Variants in NAA15 observed in about 807,000 individuals in gnomAD.
The protein encoded by NAA15 is N-alpha-acetyltransferase 15, NatA auxiliary subunit.
In NAA15, 34 loss-of-function variants were observed where a neutral mutation model predicts 114.0. The ratio of observed to expected loss-of-function variants is 0.30; its 90% CI spans 0.23 to 0.40. The LOEUF is 0.40. NAA15 is among the 10% of genes least tolerant of loss of function. NAA15 has a pLI of 1.00. For synonymous variants in NAA15, 340 were observed against 338.0 expected (o/e 1.01, Z -0.06); for missense variants, 658 against 1,004.5 (o/e 0.66, Z 4.66).
chr4:139,360,372 T>G (rs1553996922), intron 12 of NAA15, 128 bp from the exon 13 acceptor site: 1 of 689,060 alleles, frequency 1.5e-6, no homozygotes, highest in Non-Finnish European at 2.2e-6. Flanking sequence ...TTAACTATTC[T>G]TTAAGAATGT....
chr4:139,323,210 C>A (rs1746684118), intron 1 of NAA15, among the ~76,000 whole-genome samples: 1 of 151,940 alleles, frequency 6.6e-6, no homozygotes, highest in South Asian at 2.1e-4. Context: ...GCGCCTGCCA[C>A]CATGCCCAGC....
In NAA15 at chr4:139,362,816, G is replaced by A. The variant is rs893914184; in HGVS notation, c.1753+879G>A. Among the ~76,000 whole-genome samples, 22 of 147,714 alleles carry A rather than the reference G, an allele frequency of 1.5e-4. 1 individual carries two copies. The highest frequency in any genetic ancestry group is 4.6e-4 in the African/African-American group (19 of 41,228). On this transcript the variant is annotated intron_variant, in intron 14 of 19. Transcript: ENST00000296543. Reference sequence around the variant, plus strand: ...AACCTGAGAATGAGTGATCTCATACGTACAAAAATATGAATTTTGTGCCTT... The same window carrying A: ...AACCTGAGAATGAGTGATCTCATACATACAAAAATATGAATTTTGTGCCTT...
intron 1 of NAA15, among the ~76,000 whole-genome samples, chr4:139,317,432 G>A (rs1471161796): frequency 2.6e-5 from 4 of 152,118 alleles, no homozygotes; most frequent in African/African-American, 9.7e-5. Context: ...GACCAGCCTG[G>A]CCAACATGGT....
chr4:139,376,857 T>G (rs1323545869), intron 16 of NAA15, among the ~76,000 whole-genome samples: 1 of 152,128 alleles, frequency 6.6e-6, no homozygotes, highest in African/African-American at 2.4e-5. Context: ...AAGATAAAAT[T>G]TTGAGCCTGG....
Position 139,351,204 on chromosome 4 carries a change from A to G in NAA15, c.825A>G (p.Glu275=). Residue 275 remains glutamate (E), a synonymous_variant, in exon 8 of 20, where the codon GAA becomes GAG. Coordinates refer to ENST00000296543, the MANE Select transcript of NAA15 (RefSeq NM_057175.5). ...CTTTGTTTGCAGCTAATATGTTAGA[A>G]CGGCTAAAAATTTATGAGGAAGCCT... The part of the protein sequence containing the change: ...EKALKPANML[E]RLKIYEEAWT... 6.3e-6 allele frequency: 10 copies of G among 1,596,716 alleles called. No homozygotes were observed. The highest frequency in any genetic ancestry group is 6.8e-6 in the Non-Finnish European group (8 of 1,170,128).
chr4:139,349,749 C>T (rs1747719751), intron 7 of NAA15, among the ~76,000 whole-genome samples, 168 bp downstream of exon 7: 1 of 152,032 alleles, frequency 6.6e-6, no homozygotes, highest in Non-Finnish European at 1.5e-5. Context: ...CTTTGGGAGG[C>T]CGAGGTGGAT....
chr4:139,351,128 A>G, intron 7 of NAA15, 63 bp from the exon 8 acceptor site: 2 of 851,962 alleles, frequency 2.3e-6, no homozygotes, highest in Non-Finnish European at 3.5e-6. Context: ...GAAGTTCGTA[A>G]TTTTCCAGAA....
At chr4:139,382,858 A>G (rs1489210244) in intron 17 of NAA15, among the ~76,000 whole-genome samples, 6 of 152,246 alleles carry the variant, frequency 3.9e-5, no homozygotes, top group Non-Finnish European at 8.8e-5. Context: ...AATTATGTAT[A>G]GAATATTTCA....
intron 6 of NAA15, among the ~76,000 whole-genome samples, chr4:139,344,611 A>T (rs1747521532): frequency 6.6e-6 from 1 of 152,226 alleles, no homozygotes; most frequent in African/African-American, 2.4e-5. Context: ...TGTATTAAAA[A>T]TATTATGGAA....
intron 6 of NAA15, among the ~76,000 whole-genome samples, chr4:139,347,469 AAAAAAT>A (rs1447532773): frequency 6.6e-6 from 1 of 151,962 alleles, no homozygotes; most frequent in African/African-American, 2.4e-5. Context: ...CCATCTCTAC[AAAAAAT>A]AAAAATAAAA....
chr4:139,357,346 G>A (rs1177199586), intron 10 of NAA15, 40 bp from the exon 11 acceptor site: 3 of 1,592,384 alleles, frequency 1.9e-6, no homozygotes, highest in Non-Finnish European at 2.6e-6. Context: ...CTTAATATAT[G>A]TAATGCCTCA....
At chr4:139,358,197 T>G (rs114824793) in intron 11 of NAA15, among the ~76,000 whole-genome samples, 8,357 of 151,420 alleles carry the variant, frequency 0.055, 265 homozygotes, top group East Asian at 0.1. Context: ...TTTTGTTTTT[T>G]TTTTTTTGAG....
chr4:139,354,042 A>T lies in NAA15; in HGVS notation c.1031A>T (p.Glu344Val), dbSNP rs1306033610. The change falls in exon 10 of 20, where the codon GAG (glutamate) becomes GTG (valine). Residue 344 changes from glutamate to valine, a missense_variant. By Grantham distance (121) the Glu-to-Val change is moderately radical. Around this residue, in one of 6 missense-constraint regions of NAA15, gnomAD observed 281 missense variants for 389.1 expected, o/e 0.72. Coordinates refer to ENST00000296543, the MANE Select transcript of NAA15 (RefSeq NM_057175.5). ...GTACTCTAGGTGGCAATCATAGAAGAGTTAGTAGTAGGTTATGAAACCTCT... is the reference window on the plus strand; with the variant it reads ...GTACTCTAGGTGGCAATCATAGAAGTGTTAGTAGTAGGTTATGAAACCTCT... ...KDKEKVAIIE[E>V]LVVGYETSLK... The T allele has an allele frequency of 3.1e-6, 5 of 1,613,398 alleles. No homozygotes were observed. The highest frequency in any genetic ancestry group is 3.3e-5 in the Admixed American group (2 of 59,972).
At chr4:139,317,576 A>G (rs963073211) in intron 1 of NAA15, among the ~76,000 whole-genome samples, 14 of 152,176 alleles carry the variant, frequency 9.2e-5, no homozygotes, top group Admixed American at 2.6e-4. Context: ...AGCCCAGATC[A>G]TGCCACTGCA....
rs535864411 is a variant in NAA15, at chr4:139,315,257, C to T, written c.54+13426C>T. Among the ~76,000 whole-genome samples the T allele has an allele frequency of 4.6e-5, 7 of 151,954 alleles. No individual in the cohort carries two copies. The East Asian group carries it at 7.8e-4, about 17-fold the overall frequency. On this transcript the variant is annotated intron_variant, in intron 1 of 19. Transcript: ENST00000296543. ...GAAATAGGCCAGGGACGATGGCTCA[C>T]GCCTGTAATCTCAGTGCTTTGAGAG... is the stretch of plus-strand genomic sequence containing the variant.
At chr4:139,352,141 C>T (rs1166595741) in intron 9 of NAA15, among the ~76,000 whole-genome samples, 3 of 151,900 alleles carry the variant, frequency 2.0e-5, no homozygotes, top group African/African-American at 7.3e-5. Flanking sequence ...CTGAGTCTTG[C>T]TCTGTCACCC....
intron 1 of NAA15, among the ~76,000 whole-genome samples, chr4:139,309,022 A>G (rs1385520129): frequency 2.0e-5 from 3 of 152,310 alleles, no homozygotes; most frequent in African/African-American, 7.2e-5. Flanking sequence ...GTATATAATT[A>G]TTATAAAAAT....
At chr4:139,306,577 G>GTT (rs541184787) in intron 1 of NAA15, among the ~76,000 whole-genome samples, 5 of 137,842 alleles carry the variant, frequency 3.6e-5, no homozygotes, top group African/African-American at 5.3e-5. Context: ...CCAGAAGCTG[G>GTT]TTTTTTTTTT....
chr4:139,314,115 T>C (rs917235233), intron 1 of NAA15, among the ~76,000 whole-genome samples: 1 of 151,952 alleles, frequency 6.6e-6, no homozygotes, highest in Admixed American at 6.6e-5. Flanking sequence ...AAAAAGACAG[T>C]GCTTGCTTGC....
Sources: allele counts gnomAD v4.1 joint callset (sites outside exome capture counted in the v4.1 genomes callset), GRCh38; gene constraint gnomAD v4.1.1; regional missense constraint gnomAD v4.1.1; transcripts MANE v1.5; gene names NCBI Gene and HGNC (gene_info 2026-07-23, HGNC 2026-07-21).